Variants in GPC5 observed in about 807,000 individuals in gnomAD.
GPC5 encodes glypican 5.
A neutral mutation model predicts 53.9 loss-of-function variants in GPC5; 47 were observed. That is an observed-to-expected ratio of 0.87 (90% CI 0.69 to 1.11). The LOEUF is 1.11. Ranked by LOEUF, GPC5 falls within the 50% of genes most tolerant of loss-of-function variation. The probability of loss-of-function intolerance (pLI) is 0.00; values close to 1 mark genes in which losing one functional copy is unlikely to be tolerated. For synonymous variants in GPC5, 286 were observed against 263.3 expected, an observed-to-expected ratio of 1.09 and a Z score of -0.84; for missense variants, 748 against 713.1, an observed-to-expected ratio of 1.05 and a Z score of -0.56.
intron 5 of GPC5, among the ~76,000 whole-genome samples, chr13:91,857,863 C>T (rs2038983807): frequency 6.6e-6 from 1 of 151,512 alleles, no homozygotes; most frequent in African/African-American, 2.4e-5. Flanking sequence ...GAATTTTCTA[C>T]ATCTATTCAG....
In GPC5 at chr13:92,060,456, T is replaced by C. The variant is rs1324164096; in HGVS notation, c.1402-84374T>C. Among the ~76,000 whole-genome samples the C allele has an allele frequency of 2.0e-5, 3 of 152,122 alleles. No homozygotes were observed. In the East Asian group the frequency reaches 5.8e-4, roughly 29 times the overall value. ...TCCCATTATTTCACCTTTTTGCCTC[T>C]TGATAATCTAAGAGGAATCTCAGAG... is the stretch of plus-strand genomic sequence containing the variant. On this transcript the variant is annotated intron_variant, in intron 6 of 7. Coordinates refer to ENST00000377067, the MANE Select transcript of GPC5 (RefSeq NM_004466.6).
At chr13:92,365,336 G>T (rs1025345288) in intron 7 of GPC5, among the ~76,000 whole-genome samples, 1 of 151,698 alleles carries the variant, frequency 6.6e-6, no homozygotes, top group Non-Finnish European at 1.5e-5. Flanking sequence ...GTAGATAAAA[G>T]GTGTTACGGG....
chr13:92,488,540 T>C (rs1460069762), intron 7 of GPC5, among the ~76,000 whole-genome samples: 1 of 152,206 alleles, frequency 6.6e-6, no homozygotes, highest in African/African-American at 2.4e-5. Flanking sequence ...TTTTAATCTA[T>C]CCAAAAGGAA....
intron 7 of GPC5, among the ~76,000 whole-genome samples, chr13:92,690,275 C>CT (rs1887345007): frequency 1.4e-5 from 1 of 70,852 alleles, no homozygotes; most frequent in Non-Finnish European, 2.5e-5. Flanking sequence ...TCTTTTTATT[C>CT]TTTTTTCTCT....
At chr13:91,401,410 A>G (rs1372615726) in intron 1 of GPC5, among the ~76,000 whole-genome samples, 1 of 152,208 alleles carries the variant, frequency 6.6e-6, no homozygotes, top group South Asian at 2.1e-4. Context: ...ACATGATTGA[A>G]TATGGTAATT....
At chr13:92,635,962 C>A (rs1391749316) in intron 7 of GPC5, among the ~76,000 whole-genome samples, 1 of 152,138 alleles carries the variant, frequency 6.6e-6, no homozygotes, top group East Asian at 1.9e-4. Flanking sequence ...TAAGTCAGGT[C>A]TTTCACAATG....
chr13:92,089,932 T>C (rs933913312), intron 6 of GPC5, among the ~76,000 whole-genome samples: 14 of 152,238 alleles, frequency 9.2e-5, no homozygotes, highest in African/African-American at 3.1e-4. Flanking sequence ...CAATGTTTAA[T>C]TTTATGTCAA....
chr13:92,733,908 T>A (rs890237327), intron 7 of GPC5, among the ~76,000 whole-genome samples: 21 of 151,786 alleles, frequency 1.4e-4, no homozygotes, highest in Admixed American at 1.3e-3. Flanking sequence ...ATTGAAAAAA[T>A]TATTTAATAC....
At chr13:92,603,757 C>T (rs568569225) in intron 7 of GPC5, among the ~76,000 whole-genome samples, 1 of 152,120 alleles carries the variant, frequency 6.6e-6, no homozygotes, top group Admixed American at 6.6e-5. Context: ...ATTTGCCTTA[C>T]GAAGTCATTC....
chr13:91,734,341 T>G (rs1026049699), intron 4 of GPC5, among the ~76,000 whole-genome samples: 1 of 151,382 alleles, frequency 6.6e-6, no homozygotes, highest in Non-Finnish European at 1.5e-5. Flanking sequence ...ATGGGGATTG[T>G]GCGATGGGTA....
chr13:92,822,837 C>T (rs1411334610), intron 7 of GPC5, among the ~76,000 whole-genome samples: 5 of 152,038 alleles, frequency 3.3e-5, no homozygotes, highest in South Asian at 2.1e-4. Flanking sequence ...AAAACTCTTA[C>T]GGATCTTGTC....
At chr13:92,045,484 C>G (rs1014822930) in intron 6 of GPC5, among the ~76,000 whole-genome samples, 2 of 152,024 alleles carry the variant, frequency 1.3e-5, no homozygotes, top group African/African-American at 4.8e-5. Flanking sequence ...GCTTGCTGAA[C>G]ACTTGGAGAG....
At chr13:91,529,129 G>C (rs1245818500) in intron 2 of GPC5, among the ~76,000 whole-genome samples, 2 of 152,166 alleles carry the variant, frequency 1.3e-5, no homozygotes, top group Non-Finnish European at 2.9e-5. Context: ...ACTACTTTTG[G>C]CTTCTAGAAT....
At chr13:92,476,634 G>A (rs1879143230) in intron 7 of GPC5, among the ~76,000 whole-genome samples, 1 of 148,866 alleles carries the variant, frequency 6.7e-6, no homozygotes, top group South Asian at 2.1e-4. Context: ...GCAAAGACTT[G>A]GAACCAACCC....
At chr13:91,602,261 A>G (rs2033205200) in intron 2 of GPC5, among the ~76,000 whole-genome samples, 1 of 152,240 alleles carries the variant, frequency 6.6e-6, no homozygotes, top group Non-Finnish European at 1.5e-5. Flanking sequence ...TTGTTATAGC[A>G]GTCCTTTTAG....
chr13:91,661,933 C>G (rs1220760176), intron 2 of GPC5, among the ~76,000 whole-genome samples: 5 of 152,176 alleles, frequency 3.3e-5, no homozygotes, highest in Non-Finnish European at 1.5e-5. Flanking sequence ...CAGCAATGAA[C>G]TGGCACGGTC....
intron 2 of GPC5, among the ~76,000 whole-genome samples, chr13:91,562,558 G>C (rs541124582): frequency 5.3e-5 from 8 of 151,392 alleles, no homozygotes; most frequent in Admixed American, 3.9e-4. Context: ...AGGTTTAAGT[G>C]ATTTCCTGCC....
intron 6 of GPC5, among the ~76,000 whole-genome samples, chr13:92,026,968 T>C (rs1237124156): frequency 1.3e-5 from 2 of 152,194 alleles, no homozygotes; most frequent in African/African-American, 4.8e-5. Context: ...TTTAAATATT[T>C]ATTTGAGTGA....
At chr13:92,680,463 G>A (rs891639939) in intron 7 of GPC5, among the ~76,000 whole-genome samples, 2 of 151,986 alleles carry the variant, frequency 1.3e-5, no homozygotes, top group African/African-American at 4.8e-5. Flanking sequence ...TCTTTCTCCT[G>A]CAAAACAGGA....
Sources: allele counts gnomAD v4.1 joint callset (sites outside exome capture counted in the v4.1 genomes callset), GRCh38; gene constraint gnomAD v4.1.1; transcripts MANE v1.5; gene names NCBI Gene and HGNC (gene_info 2026-07-23, HGNC 2026-07-21).